Variants in COL5A2 observed in about 807,000 individuals in gnomAD.
COL5A2 encodes the protein collagen type V alpha 2 chain.
COL5A2 carries 23 observed loss-of-function variants against 208.2 expected under a neutral mutation model. That is an observed-to-expected ratio of 0.11 (90% CI 0.08 to 0.16). The LOEUF is 0.16. Ranked by LOEUF, COL5A2 falls within the 10% of genes least tolerant of loss-of-function variation. The pLI is 1.00. For synonymous variants in COL5A2, 625 were observed against 628.5 expected, an observed-to-expected ratio of 0.99 and a Z score of 0.08; for missense variants, 1,590 against 1,956.4, an observed-to-expected ratio of 0.81 and a Z score of 3.53.
At chr2:189,439,627 G>T in the COL5A2 span, among the ~76,000 whole-genome samples, 2 of 152,174 alleles carry the variant, frequency 1.3e-5, no homozygotes, top group Admixed American at 6.5e-5. Context: ...AGCTGTAGGT[G>T]GGATTGGTTC....
intron 3 of COL5A2, among the ~76,000 whole-genome samples, chr2:189,101,623 T>TAAAG (rs1687047962): frequency 6.6e-6 from 1 of 152,116 alleles, no homozygotes; most frequent in Non-Finnish European, 1.5e-5. Flanking sequence ...ATTGTACTAC[T>TAAAG]AAAGATACAA....
intron 6 of COL5A2, among the ~76,000 whole-genome samples, chr2:189,096,940 G>A (rs1335564786): frequency 6.6e-6 from 1 of 152,024 alleles, no homozygotes; most frequent in African/African-American, 2.4e-5. Context: ...ATTTTTTCCC[G>A]TATCCAGCTT....
At chr2:189,217,977 C>A (rs547884429) in intron 1 of COL5A2, among the ~76,000 whole-genome samples, 1 of 152,276 alleles carries the variant, frequency 6.6e-6, no homozygotes, top group South Asian at 2.1e-4. Flanking sequence ...TTTTCATCCA[C>A]GAAACAGCAT....
At chr2:189,112,029 C>A (rs1057330365) in intron 1 of COL5A2, among the ~76,000 whole-genome samples, 1 of 152,056 alleles carries the variant, frequency 6.6e-6, no homozygotes, top group Admixed American at 6.5e-5. Context: ...CCATGCCCAG[C>A]GAATTTTTGT....
At chr2:189,049,136 A>G (rs1685729917) in intron 44 of COL5A2, among the ~76,000 whole-genome samples, 1 of 152,206 alleles carries the variant, frequency 6.6e-6, no homozygotes. Flanking sequence ...GACTAGATGA[A>G]GGTCAGTGCA....
intron 2 of COL5A2, 107 bp from the exon 3 acceptor site, chr2:189,104,384 G>C (rs1687110456): frequency 1.2e-6 from 1 of 824,226 alleles, no homozygotes; most frequent in Non-Finnish European, 2.1e-6. Context: ...CAGAATTACA[G>C]TGATAGTGAT....
the COL5A2 span, among the ~76,000 whole-genome samples, chr2:189,337,564 A>T: frequency 6.6e-6 from 1 of 152,202 alleles, no homozygotes; most frequent in African/African-American, 2.4e-5. Context: ...AATCCAAACC[A>T]CTTCCTTCAA....
At chr2:189,118,638 A>G (rs950866036) in intron 1 of COL5A2, among the ~76,000 whole-genome samples, 16 of 152,148 alleles carry the variant, frequency 1.1e-4, no homozygotes, top group Non-Finnish European at 1.8e-4. Context: ...AAAATTTCTA[A>G]TAGGAATTTA....
At chr2:189,044,940 A>G (rs1685633219) in intron 47 of COL5A2, among the ~76,000 whole-genome samples, 1 of 152,164 alleles carries the variant, frequency 6.6e-6, no homozygotes, top group African/African-American at 2.4e-5. Flanking sequence ...CTGTGACTTT[A>G]AAAACCTCCA....
chr2:189,411,112 C>T, the COL5A2 span, among the ~76,000 whole-genome samples: 1 of 152,038 alleles, frequency 6.6e-6, no homozygotes, highest in African/African-American at 2.4e-5. Context: ...CTGGAAAATA[C>T]CTTCCATTTT....
rs75198942 is a variant in COL5A2, at chr2:189,113,878, T to C, written c.98-3429A>G. ...AATATGTGAGGAACTCTTCAAGGAG[T>C]AGCTTATCTTCTTCCTTGTGGCTCC... On this transcript the variant is annotated intron_variant, in intron 1 of 53. Transcript: ENST00000374866. Among the ~76,000 whole-genome samples the C allele has an allele frequency of 7.2e-3, 1,097 of 151,878 alleles. 14 individuals carry two copies. Among genetic ancestry groups the C allele is most frequent in the African/African-American group, 0.024 (1,014 of 41,444 alleles).
intron 1 of COL5A2, among the ~76,000 whole-genome samples, chr2:189,120,642 GA>G (rs1378293802): frequency 6.6e-6 from 1 of 152,110 alleles, no homozygotes; most frequent in African/African-American, 2.4e-5. Context: ...ATTTGATAAT[GA>G]AACATATTTT....
chr2:189,181,216 C>T (rs936548778), upstream of COL5A2, among the ~76,000 whole-genome samples: 5 of 152,286 alleles, frequency 3.3e-5, no homozygotes, highest in Non-Finnish European at 7.4e-5. Flanking sequence ...TGCATTTTAG[C>T]TTTGGAACTA....
the COL5A2 span, among the ~76,000 whole-genome samples, chr2:189,355,663 C>T: frequency 1.6e-4 from 24 of 152,256 alleles, no homozygotes; most frequent in African/African-American, 5.8e-4. Context: ...TATTTTGAGC[C>T]TATGTATGTC....
chr2:189,313,688 C>T, the COL5A2 span, among the ~76,000 whole-genome samples: 2 of 152,064 alleles, frequency 1.3e-5, no homozygotes, highest in Non-Finnish European at 2.9e-5. Context: ...ATGCTATCTT[C>T]GAAAGACCCA....
chr2:189,053,360 TC>T, intron 38 of COL5A2, 63 bp downstream of exon 38: 1 of 1,354,080 alleles, frequency 7.4e-7, no homozygotes, highest in Non-Finnish European at 1.1e-6. Context: ...ATGACAATGA[TC>T]ATTAAACTTA....
At chr2:189,134,977 GAA>G (rs3084491) in intron 1 of COL5A2, among the ~76,000 whole-genome samples, 117,276 of 151,950 alleles carry the variant, frequency 0.77, 48,652 homozygotes, top group Non-Finnish European at 0.91. Context: ...TTAAAGTTTT[GAA>G]AAGTTATCTT....
chr2:189,059,009 A>G (rs1685963992), intron 31 of COL5A2, 116 bp from the exon 32 acceptor site: 4 of 736,362 alleles, frequency 5.4e-6, no homozygotes, highest in East Asian at 2.6e-5. Flanking sequence ...AAGGCTGCAT[A>G]AGCCAACAAT....
At chr2:189,279,692 G>A in the COL5A2 span, among the ~76,000 whole-genome samples, 10 of 152,174 alleles carry the variant, frequency 6.6e-5, no homozygotes, top group South Asian at 1.5e-3. Context: ...TACAAAAATT[G>A]CTGAATTGAA....
Sources: allele counts gnomAD v4.1 joint callset (sites outside exome capture counted in the v4.1 genomes callset), GRCh38; gene constraint gnomAD v4.1.1; transcripts MANE v1.5; gene names NCBI Gene and HGNC (gene_info 2026-07-23, HGNC 2026-07-21).